Variants in FAM81A observed in about 807,000 individuals in gnomAD.
FAM81A encodes the protein family with sequence similarity 81 member A.
In FAM81A, 19 loss-of-function variants were observed where a neutral mutation model predicts 46.7. The ratio of observed to expected loss-of-function variants is 0.41; its 90% confidence interval spans 0.28 to 0.60. FAM81A has a LOEUF of 0.60. Among genes scored for constraint, FAM81A ranks in the 20% least tolerant of loss-of-function variants. The pLI, the probability that FAM81A is intolerant of heterozygous loss-of-function variation, is 0.34. For missense variants in FAM81A, 377 were observed against 453.5 expected (o/e 0.83, Z 1.53); for synonymous variants, 183 against 152.9 (o/e 1.20, Z -1.45).
intron 1 of FAM81A, among the ~76,000 whole-genome samples, chr15:59,452,811 G>C (rs2081435217): frequency 6.6e-6 from 1 of 152,146 alleles, no homozygotes; most frequent in African/African-American, 2.4e-5. Context: ...ACCTGAGCTG[G>C]AGTACAGTGG....
intron 1 of FAM81A, among the ~76,000 whole-genome samples, chr15:59,441,955 C>T (rs1172393223): frequency 1.3e-5 from 2 of 152,242 alleles, no homozygotes; most frequent in Non-Finnish European, 2.9e-5. Flanking sequence ...CCCACTTGTA[C>T]TACTTCCTCT....
chr15:59,512,781 G>T (rs2082226388), intron 6 of FAM81A, among the ~76,000 whole-genome samples: 2 of 152,282 alleles, frequency 1.3e-5, no homozygotes, highest in South Asian at 4.1e-4. Context: ...TTTTTCCAAG[G>T]CTCCAGTCCT....
At chr15:59,465,056 T>C (rs2081595950) in intron 3 of FAM81A, among the ~76,000 whole-genome samples, 1 of 152,190 alleles carries the variant, frequency 6.6e-6, no homozygotes, top group South Asian at 2.1e-4. Flanking sequence ...CCCAGCACCA[T>C]TTATTGAAGA....
chr15:59,407,290 C>CTTTTTTTTTTTTT lies in FAM81A; in HGVS notation c.-78+4932_-78+4933insTTTTTTTTTTTTT, dbSNP rs1567035679. Reference sequence around the variant, plus strand: ...TCACCCACTTTCTTTTCTTTTCTTTCCTTTTTTTTTTTTTTTTTTTTTGAG... The same window carrying CTTTTTTTTTTTTT: ...TCACCCACTTTCTTTTCTTTTCTTTCTTTTTTTTTTTTTCTTTTTTTTTTTTTTTTTTTTTGAG... On this transcript the variant is annotated intron_variant, in intron 2 of 4. Transcript: ENST00000558348. 4 of 105,348 alleles carry CTTTTTTTTTTTTT rather than the reference C, an allele frequency of 3.8e-5. 1 individual carries two copies. The highest frequency in any genetic ancestry group is 6.5e-5 in the Non-Finnish European group (3 of 45,958). 6.5% of individuals were successfully genotyped at this position (105,348 alleles called of 1,614,324 possible). A position where few individuals can be genotyped will look rare whatever the true frequency, so the allele number is the denominator to read the frequency against.
intron 2 of FAM81A, among the ~76,000 whole-genome samples, chr15:59,428,774 G>A (rs1273603804): frequency 6.6e-6 from 1 of 151,938 alleles, no homozygotes; most frequent in Non-Finnish European, 1.5e-5. Context: ...GGAATTAGAG[G>A]CGCAGGCCAC....
At chr15:59,410,629 A>C (rs184625947) in intron 2 of FAM81A, among the ~76,000 whole-genome samples, 235 of 152,354 alleles carry the variant, frequency 1.5e-3, no homozygotes, top group African/African-American at 5.4e-3. Context: ...GTAACTCATT[A>C]ACCAGAGAAC....
intron 2 of FAM81A, among the ~76,000 whole-genome samples, chr15:59,409,915 AATT>A (rs753566836): frequency 6.6e-6 from 1 of 152,270 alleles, no homozygotes. Context: ...TTAGTACAGA[AATT>A]ATTATTAAGG....
At chr15:59,485,425 CTT>C (rs755436944) in intron 3 of FAM81A, among the ~76,000 whole-genome samples, 4 of 152,172 alleles carry the variant, frequency 2.6e-5, no homozygotes, top group Non-Finnish European at 4.4e-5. Context: ...GAAAGAAAGA[CTT>C]TGCTTGTTTG....
intron 2 of FAM81A, among the ~76,000 whole-genome samples, chr15:59,420,610 TAAG>T (rs2081167277): frequency 6.6e-6 from 1 of 152,222 alleles, no homozygotes; most frequent in East Asian, 1.9e-4. Context: ...CAGTGCTTTA[TAAG>T]ATTTATTGTA....
chr15:59,417,756 T>G (rs1452532969), intron 2 of FAM81A, among the ~76,000 whole-genome samples: 1 of 152,052 alleles, frequency 6.6e-6, no homozygotes, highest in Non-Finnish European at 1.5e-5. Context: ...AAGATTTTTT[T>G]TGCTTGATTA....
intron 8 of FAM81A, among the ~76,000 whole-genome samples, chr15:59,517,915 C>A (rs1311688509): frequency 6.6e-6 from 1 of 151,444 alleles, no homozygotes; most frequent in Non-Finnish European, 1.5e-5. Flanking sequence ...GCATCTGAGC[C>A]TTTTAAAAAA....
upstream of FAM81A, among the ~76,000 whole-genome samples, chr15:59,437,288 A>G (rs1042494850): frequency 6.6e-6 from 1 of 151,858 alleles, no homozygotes; most frequent in African/African-American, 2.4e-5. Context: ...GGAGACAGAC[A>G]GGAGCCCCTG....
intron 6 of FAM81A, among the ~76,000 whole-genome samples, chr15:59,511,038 A>G (rs955906282): frequency 3.3e-5 from 5 of 151,042 alleles, no homozygotes; most frequent in African/African-American, 1.2e-4. Context: ...GGAGGTTGCA[A>G]TGAGCCGAAA....
chr15:59,404,712 C>G (rs777031982), intron 2 of FAM81A, among the ~76,000 whole-genome samples: 4 of 152,188 alleles, frequency 2.6e-5, no homozygotes, highest in Non-Finnish European at 4.4e-5. Context: ...CCACCTTGGC[C>G]TCCCAAAGTG....
intron 3 of FAM81A, among the ~76,000 whole-genome samples, chr15:59,466,756 G>A (rs1356388401): frequency 6.6e-6 from 1 of 152,164 alleles, no homozygotes; most frequent in Admixed American, 6.5e-5. Context: ...ATTGCTTTTG[G>A]TGTTTTAGGC....
At position 59,446,018 on chromosome 15, in the gene FAM81A, T is replaced by C. The variant is rs181903126; in HGVS notation, c.-78+7736T>C. Among the ~76,000 whole-genome samples the C allele has an allele frequency of 4.3e-3, 649 of 152,292 alleles. 7 individuals are homozygous for C. Among genetic ancestry groups the C allele is most frequent in the South Asian group, 0.011 (53 of 4,814 alleles). On this transcript the variant is annotated intron_variant, in intron 1 of 8. Transcript: ENST00000288228. ...GGGCACCTTCAGTCAGCAATCGATA[T>C]GTCATTTGGGTAGAGCAACTCAACA...
At chr15:59,507,435 C>G in intron 5 of FAM81A, 93 bp downstream of exon 5, 3 of 1,484,670 alleles carry the variant, frequency 2.0e-6, no homozygotes, top group Non-Finnish European at 2.7e-6. Context: ...GAGAAACCAG[C>G]TGGGGCATCT....
At chr15:59,443,643 CCTCTTCTCTGTA>C (rs760066709) in intron 1 of FAM81A, among the ~76,000 whole-genome samples, 1 of 152,138 alleles carries the variant, frequency 6.6e-6, no homozygotes, top group Non-Finnish European at 1.5e-5. Flanking sequence ...GTGCCATCAT[CCTCTTCTCTGTA>C]ACCAGAGCTT....
intron 2 of FAM81A, among the ~76,000 whole-genome samples, chr15:59,427,771 T>C (rs2081201593): frequency 6.6e-6 from 1 of 152,240 alleles, no homozygotes; most frequent in African/African-American, 2.4e-5. Context: ...TATTCCATTG[T>C]GTATAGGTAC....
Sources: allele counts gnomAD v4.1 joint callset (sites outside exome capture counted in the v4.1 genomes callset), GRCh38; gene constraint gnomAD v4.1.1; transcripts MANE v1.5; gene names NCBI Gene and HGNC (gene_info 2026-07-23, HGNC 2026-07-21).